Variants in TSPAN11 observed in about 807,000 individuals in gnomAD.
TSPAN11 encodes the protein tetraspanin-11.
TSPAN11 carries 29 observed loss-of-function variants against 32.9 expected under a neutral mutation model. That is an observed-to-expected ratio of 0.88 (90% CI 0.66 to 1.20). The LOEUF is 1.20. Among genes scored for constraint, TSPAN11 ranks in the 50% most tolerant of loss-of-function variants. TSPAN11 has a pLI of 0.00. For synonymous variants in TSPAN11, 140 were observed against 141.3 expected (o/e 0.99, Z 0.07); for missense variants, 283 against 329.1 (o/e 0.86, Z 1.08).
At chr12:30,954,355 A>G in intron 2 of TSPAN11, 1 of 407,558 alleles carries the variant, frequency 2.5e-6, no homozygotes, top group South Asian at 3.0e-5. Flanking sequence ...CCTGCTGTAC[A>G]AAGGGTCCGG....
intron 1 of TSPAN11, among the ~76,000 whole-genome samples, chr12:30,946,149 A>G (rs971991596): frequency 3.3e-5 from 5 of 152,174 alleles, no homozygotes; most frequent in African/African-American, 7.2e-5. Flanking sequence ...GACAAGCAGC[A>G]TCTGGGAGCA....
intron 3 of TSPAN11, 34 bp downstream of exon 3, chr12:30,964,051 GA>G (rs765386078): frequency 2.5e-6 from 4 of 1,599,852 alleles, no homozygotes; most frequent in Non-Finnish European, 2.6e-6. Context: ...CAGGGATGGG[GA>G]GCCCTGCACC....
At position 30,927,018 on chromosome 12, in the gene TSPAN11, G is replaced by A. The variant is rs1463359001; in HGVS notation, c.-12+222G>A. The A allele has an allele frequency of 3.9e-6, 5 of 1,284,564 alleles. No individual in the cohort carries two copies. In the Admixed American group the frequency reaches 9.3e-5, roughly 24 times the overall value. 79.6% of individuals were successfully genotyped at this position (1,284,564 alleles called of 1,614,324 possible). A position where few individuals can be genotyped will look rare whatever the true frequency, so the allele number is the denominator to read the frequency against. The stretch of plus-strand genomic sequence containing the variant: ...GGCATGTGAGCAGGTATTGGTGTCT[G>A]CATGGGACACGCAACACGGTGTCCA... On this transcript the variant is annotated intron_variant, in intron 1 of 7. Coordinates refer to ENST00000546076, the MANE Select transcript of TSPAN11 (RefSeq NM_001370302.1).
intron 1 of TSPAN11, among the ~76,000 whole-genome samples, chr12:30,948,558 G>A (rs137976251): frequency 0.03 from 4,524 of 152,246 alleles, 155 homozygotes; most frequent in East Asian, 0.18. Flanking sequence ...GCCACAGCCC[G>A]AGCTTTATGT....
At chr12:30,962,547 G>A (rs549213796) in intron 2 of TSPAN11, among the ~76,000 whole-genome samples, 7 of 152,302 alleles carry the variant, frequency 4.6e-5, no homozygotes, top group African/African-American at 9.6e-5. Flanking sequence ...ATACATGTTC[G>A]TTTGCTCAAC....
chr12:31,009,038 A>T, the TSPAN11 span, among the ~76,000 whole-genome samples: 7 of 152,138 alleles, frequency 4.6e-5, no homozygotes, highest in African/African-American at 1.7e-4. Context: ...TAGACGAGCT[A>T]AATCACTCAG....
rs1292647355 is a variant in TSPAN11, at chr12:30,984,802, C to T, written c.702+1652C>T. 3.3e-5 allele frequency among the ~76,000 whole-genome samples: 5 copies of T among 152,172 alleles called. No individual in the cohort carries two copies. In the East Asian group the frequency reaches 9.7e-4, roughly 29 times the overall value. On this transcript the variant is annotated intron_variant, in intron 7 of 7. Coordinates refer to ENST00000546076, the MANE Select transcript of TSPAN11 (RefSeq NM_001370302.1). The stretch of plus-strand genomic sequence containing the variant: ...CGAACTCTTGACCTCAGGTGATCTG[C>T]CCACCCCAGTCTCCCAAAGTGCTGG...
rs1038068558 is a variant in TSPAN11 at position 30,980,267 on chromosome 12, C to G, written c.456+597C>G. On this transcript the variant is annotated intron_variant, in intron 5 of 7. Coordinates refer to ENST00000546076, the MANE Select transcript of TSPAN11 (RefSeq NM_001370302.1). The stretch of plus-strand genomic sequence containing the variant: ...ACATAAGGGATGGGCAAATGGACCT[C>G]AGAGCTGTCCTGTTCAATACGGTAG... Among the ~76,000 whole-genome samples, 4 of 152,218 alleles carry G rather than the reference C, an allele frequency of 2.6e-5. 1 individual carries two copies. Among genetic ancestry groups the G allele is most frequent in the Non-Finnish European group, 5.9e-5 (4 of 68,024 alleles).
At chr12:30,962,487 C>A (rs529102862) in intron 2 of TSPAN11, among the ~76,000 whole-genome samples, 2 of 152,236 alleles carry the variant, frequency 1.3e-5, no homozygotes, top group African/African-American at 2.4e-5. Flanking sequence ...CCCTGCCACC[C>A]TGCCCCATGC....
chr12:30,987,014 AT>A (rs1939213236), intron 7 of TSPAN11, among the ~76,000 whole-genome samples: 1 of 152,266 alleles, frequency 6.6e-6, no homozygotes, highest in South Asian at 2.1e-4. Flanking sequence ...TAAAGCCAGC[AT>A]TGAAAAAAGA....
chr12:30,987,276 A>G (rs907279799), intron 7 of TSPAN11, among the ~76,000 whole-genome samples: 1 of 152,168 alleles, frequency 6.6e-6, no homozygotes, highest in Non-Finnish European at 1.5e-5. Context: ...ACCTCCGCAG[A>G]GCCCCAGGGC....
At chr12:30,937,799 G>A (rs1938077217) in intron 1 of TSPAN11, among the ~76,000 whole-genome samples, 1 of 152,198 alleles carries the variant, frequency 6.6e-6, no homozygotes, top group African/African-American at 2.4e-5. Flanking sequence ...GAGCACTGTA[G>A]TTTTGAAAGC....
chr12:31,015,085 T>C, the TSPAN11 span, among the ~76,000 whole-genome samples: 7,392 of 152,364 alleles, frequency 0.049, 226 homozygotes, highest in Middle Eastern at 0.16. This position sits in a 1 kb window ranked among gnomAD's most constrained non-coding sequence, Gnocchi z 4.9. Context: ...CATAAACGCA[T>C]ATTCTTTAAT....
At chr12:30,964,294 T>C (rs944630411) in intron 3 of TSPAN11, among the ~76,000 whole-genome samples, 4 of 151,832 alleles carry the variant, frequency 2.6e-5, no homozygotes. Flanking sequence ...CTCTTCCTCC[T>C]TCTATTTCTT....
In TSPAN11 at chr12:30,992,553, G is replaced by GGGTAA. The variant is rs1939337990; in HGVS notation, c.*642_*646dup. On this transcript the variant is annotated 3_prime_UTR_variant, in exon 8 of 8. Coordinates refer to ENST00000546076, the MANE Select transcript of TSPAN11 (RefSeq NM_001370302.1). ...TAGAGCCGCCCTGGCAGGAAGCAGGGGGTAAGGTGGCCATACCAGCACATG... is the reference window on the plus strand; with the variant it reads ...TAGAGCCGCCCTGGCAGGAAGCAGGGGGTAAGGTAAGGTGGCCATACCAGCACATG... 6.4e-6 allele frequency: 1 copy of GGGTAA among 157,338 alleles called. No homozygotes were observed. Among genetic ancestry groups the GGGTAA allele is most frequent in the Non-Finnish European group, 1.4e-5 (1 of 70,784 alleles). The allele number at this position is 157,338 out of a possible 1,614,324, so 9.7% of individuals were successfully genotyped here. A position where few individuals can be genotyped will look rare whatever the true frequency, so the allele number is the denominator to read the frequency against.
chr12:30,997,232 A>G (rs1467292176), downstream of TSPAN11: 3 of 152,266 alleles, frequency 2.0e-5, no homozygotes, highest in Non-Finnish European at 4.4e-5. Flanking sequence ...TGCCCAGTCC[A>G]GAGCTAAAAG....
chr12:30,946,083 G>A (rs1186374494), intron 1 of TSPAN11, among the ~76,000 whole-genome samples: 1 of 152,210 alleles, frequency 6.6e-6, no homozygotes, highest in Non-Finnish European at 1.5e-5. Context: ...GCAGGGTCCT[G>A]AACTTTCAGA....
intron 2 of TSPAN11, among the ~76,000 whole-genome samples, chr12:30,960,058 G>A (rs1464886508): frequency 6.8e-6 from 1 of 147,402 alleles, no homozygotes; most frequent in Non-Finnish European, 1.5e-5. Context: ...TTTGAGGGCA[G>A]AGGGGAATTG....
At chr12:30,985,328 G>C (rs1242122445) in intron 7 of TSPAN11, among the ~76,000 whole-genome samples, 2 of 152,074 alleles carry the variant, frequency 1.3e-5, no homozygotes, top group African/African-American at 4.8e-5. Flanking sequence ...TGAGCAGATA[G>C]CAGGTGTTCA....
Sources: allele counts gnomAD v4.1 joint callset (sites outside exome capture counted in the v4.1 genomes callset), GRCh38; gene constraint gnomAD v4.1.1; non-coding constraint Gnocchi (gnomAD v3.1); transcripts MANE v1.5; gene names NCBI Gene and HGNC (gene_info 2026-07-23, HGNC 2026-07-21).